SF3A3: variants seen among roughly 807,000 people sequenced by gnomAD.
SF3A3 encodes the protein splicing factor 3a subunit 3.
Under a neutral mutation model 85.8 loss-of-function variants are expected in SF3A3, and 9 were observed. The ratio of observed to expected loss-of-function variants is 0.10; its 90% CI spans 0.06 to 0.18. The LOEUF (loss-of-function observed/expected upper bound fraction) is 0.18. Ranked by LOEUF, SF3A3 falls within the 10% of genes least tolerant of loss-of-function variation. The pLI is 1.00. For synonymous variants in SF3A3, 195 were observed against 204.4 expected (o/e 0.95, Z 0.39); for missense variants, 306 against 593.3 (o/e 0.52, Z 5.03).
rs114938942 is a variant in SF3A3, at chr1:37,987,029, T to C, written c.303+544A>G. Among the ~76,000 whole-genome samples the C allele has an allele frequency of 2.1e-4, 32 of 152,206 alleles. 1 individual carries two copies. The South Asian group carries it at 6.0e-3, about 29-fold the overall frequency. ...AGTGGACCAAATTGCTGGGCCCTAG[T>C]ACCCATACTGTGCTCAGTCACTGGC... On this transcript the variant is annotated intron_variant, in intron 4 of 16. Transcript: ENST00000373019.
At chr1:37,968,251 T>A (rs923898098) in intron 14 of SF3A3, 117 bp from the exon 15 acceptor site, 6 of 692,672 alleles carry the variant, frequency 8.7e-6, no homozygotes, top group Admixed American at 8.6e-5. Context: ...CACCTAAAGG[T>A]AGCATTCCTT....
chr1:37,963,385 G>A (rs1346899762), intron 15 of SF3A3, among the ~76,000 whole-genome samples: 1 of 152,072 alleles, frequency 6.6e-6, no homozygotes, highest in African/African-American at 2.4e-5. Flanking sequence ...AACTACAAAT[G>A]CTATGTGGTG....
At chr1:37,970,304 C>CAAAA (rs35452372) in intron 12 of SF3A3, among the ~76,000 whole-genome samples, 3 of 103,466 alleles carry the variant, frequency 2.9e-5, no homozygotes, top group African/African-American at 6.4e-5. Flanking sequence ...GACTCCTTCT[C>CAAAA]AAAAAAAAAA....
At chr1:37,978,916 A>T in intron 10 of SF3A3, 72 bp downstream of exon 10, 1 of 1,550,914 alleles carries the variant, frequency 6.4e-7, no homozygotes, top group African/African-American at 1.4e-5. Flanking sequence ...AAAAAAATGG[A>T]ATCAGAGCTA....
Position 37,981,620 on chromosome 1 carries a change from A to G in SF3A3, c.551+109T>C, listed in dbSNP as rs576797328. 8 of 741,284 alleles carry G rather than the reference A, an allele frequency of 1.1e-5. No individual in the cohort carries two copies. In the African/African-American group the frequency reaches 1.4e-4, roughly 13 times the overall value. 45.9% of individuals were successfully genotyped at this position (741,284 alleles called of 1,614,324 possible). A position where few individuals can be genotyped will look rare whatever the true frequency, so the allele number is the denominator to read the frequency against. Reference sequence around the variant, plus strand: ...CCCATCCTCCAATAAACCTGGAAGTATGCCTTCATGTATGCCTTCCAGGCA... The same window carrying G: ...CCCATCCTCCAATAAACCTGGAAGTGTGCCTTCATGTATGCCTTCCAGGCA... On this transcript the variant is annotated intron_variant, in intron 7 of 16. Coordinates refer to ENST00000373019, the MANE Select transcript of SF3A3 (RefSeq NM_006802.4).
chr1:37,980,839 C>T (rs1646412917), intron 7 of SF3A3, 115 bp from the exon 8 acceptor site: 6 of 309,520 alleles, frequency 1.9e-5, no homozygotes, highest in East Asian at 6.0e-5. Context: ...CTTTTTAATA[C>T]TCTTTTTTTT....
chr1:37,967,627 G>A (rs1255622774), intron 15 of SF3A3, among the ~76,000 whole-genome samples: 4 of 125,076 alleles, frequency 3.2e-5, no homozygotes, highest in Non-Finnish European at 6.3e-5. Flanking sequence ...GCAGTGAGCC[G>A]AGATCATGCC....
rs371226024 is a variant in SF3A3, at chr1:37,960,195, C to G, written c.1373-20G>C. The G allele has an allele frequency of 4.3e-6, 7 of 1,612,448 alleles. No homozygotes were observed. In the African/African-American group the frequency reaches 9.3e-5, roughly 22 times the overall value. ...CCCACACTGCAGGATGAGAAATGAA[C>G]AGCAATCAGGATGGACTGAACATCT... On this transcript the variant is annotated intron_variant, in intron 15 of 16. Coordinates refer to ENST00000373019, the MANE Select transcript of SF3A3 (RefSeq NM_006802.4).
chr1:37,989,975 G>A lies in SF3A3; in HGVS notation c.-10C>T, dbSNP rs778445035. 6.2e-7 allele frequency: 1 copy of A among 1,603,938 alleles called. No individual in the cohort carries two copies. The stretch of plus-strand genomic sequence containing the variant: ...CCAGTATTGTCTCCATCTTCCCTTA[G>A]TCGCGGCTTCTCAATTCAGACCACC... On this transcript the variant is annotated 5_prime_UTR_variant, in exon 1 of 17. Transcript: ENST00000373019.
chr1:37,989,381 G>C (rs1288381833), intron 2 of SF3A3, among the ~76,000 whole-genome samples, 167 bp downstream of exon 2: 1 of 152,130 alleles, frequency 6.6e-6, no homozygotes, highest in Non-Finnish European at 1.5e-5. Flanking sequence ...AACTGAGGAA[G>C]CACCCTCACG....
At chr1:37,987,746 A>G in intron 3 of SF3A3, 38 bp downstream of exon 3, 2 of 1,604,658 alleles carry the variant, frequency 1.2e-6, no homozygotes, top group Non-Finnish European at 1.7e-6. Context: ...GGCTCCTCAG[A>G]AGCACTAACT....
At chr1:37,984,664 T>C (rs763445260) in intron 5 of SF3A3, 43 bp downstream of exon 5, 4 of 1,255,658 alleles carry the variant, frequency 3.2e-6, no homozygotes, top group South Asian at 1.2e-5. Flanking sequence ...GTCATTAACC[T>C]GTATTTTTGC....
At chr1:37,968,991 A>C (rs1646320764) in intron 14 of SF3A3, among the ~76,000 whole-genome samples, 1 of 152,172 alleles carries the variant, frequency 6.6e-6, no homozygotes, top group Admixed American at 6.5e-5. Flanking sequence ...TCTGAAAGAG[A>C]TCAGTCAGCC....
chr1:37,975,527 A>T (rs1213927100), intron 12 of SF3A3, among the ~76,000 whole-genome samples: 1 of 150,822 alleles, frequency 6.6e-6, no homozygotes, highest in East Asian at 2.0e-4. Flanking sequence ...AAAAAAAAAA[A>T]GAGGGAGAAA....
At chr1:37,966,570 G>A (rs562099499) in intron 15 of SF3A3, among the ~76,000 whole-genome samples, 1 of 152,236 alleles carries the variant, frequency 6.6e-6, no homozygotes, top group South Asian at 2.1e-4. Context: ...TAAAAGCCCT[G>A]GTTTATACTC....
chr1:37,984,199 G>A lies in SF3A3; in HGVS notation c.438C>T (p.Tyr146=), dbSNP rs766117164. ...YGRYLDLHDC[Y]LKYINLKASE... ...ATGCCTTCAGGTTAATGTACTTGAG[G>A]TAACAGTCATGGAGATCGAGATAAC... Residue 146 remains tyrosine, a synonymous_variant, in exon 6 of 17, where the codon TAC becomes TAT. Coordinates refer to ENST00000373019, the MANE Select transcript of SF3A3 (RefSeq NM_006802.4). 1.9e-6 allele frequency: 3 copies of A among 1,608,802 alleles called. No homozygotes were observed. The highest frequency in any genetic ancestry group is 4.5e-5 in the East Asian group (2 of 44,856).
Position 37,957,316 on chromosome 1 carries a change from ACT to A in SF3A3, c.*868_*869del, listed in dbSNP as rs921618169. The A allele has an allele frequency of 1.3e-5, 2 of 151,330 alleles. No individual in the cohort carries two copies. Among genetic ancestry groups the A allele is most frequent in the Admixed American group, 1.3e-4 (2 of 15,124 alleles). 9.4% of individuals were successfully genotyped at this position (151,330 alleles called of 1,614,324 possible). ...TCTGACCTAGCAAGCTGGTGAAGTCACTGTCGGTCCTAGTTCCCTTGTTTGTT... is the reference window on the plus strand; with the variant it reads ...TCTGACCTAGCAAGCTGGTGAAGTCAGTCGGTCCTAGTTCCCTTGTTTGTT... On this transcript the variant is annotated 3_prime_UTR_variant, in exon 17 of 17. Transcript: ENST00000373019.
chr1:37,969,457 G>A lies in SF3A3; in HGVS notation c.1178C>T (p.Pro393Leu). The stretch of plus-strand genomic sequence containing the variant: ...GCCATGAAGCTTATACAGCCAGTAG[G>A]GAATAGGCTAAAAAAGAAAAAAACA... ...LPLGWDGKPI[P>L]YWLYKLHGLN... is the part of the protein sequence containing the mutation. Residue 393 changes from proline (P) to leucine (L), a missense_variant, in exon 14 of 17, where the codon CCC (proline) becomes CTC (leucine). Around this residue, in one of 4 missense-constraint regions of SF3A3, gnomAD observed 136 missense variants for 296.6 expected, o/e 0.46. Coordinates refer to ENST00000373019, the MANE Select transcript of SF3A3 (RefSeq NM_006802.4). The A allele has an allele frequency of 6.2e-7, 1 of 1,612,996 alleles. No homozygotes were observed. The highest frequency in any genetic ancestry group is 8.5e-7 in the Non-Finnish European group (1 of 1,179,234).
chr1:37,977,511 C>T (rs1181476538), intron 11 of SF3A3, among the ~76,000 whole-genome samples: 10 of 151,872 alleles, frequency 6.6e-5, no homozygotes, highest in Admixed American at 2.0e-4. Context: ...TGACCAACCT[C>T]GCCAACATGG....
Sources: gnomAD v4.1 joint callset for allele counts (sites outside exome capture counted in the v4.1 genomes callset) on GRCh38, gnomAD v4.1.1 for gene constraint, gnomAD v4.1.1 regional missense constraint, MANE v1.5 for transcripts, NCBI Gene and HGNC (gene_info 2026-07-23, HGNC 2026-07-21) for gene names.